The following PARD3B variants were observed in gnomAD, a reference collection of about 807,000 sequenced individuals.
PARD3B encodes par-3 family cell polarity regulator beta.
In PARD3B, 103 loss-of-function variants were observed where a neutral mutation model predicts 130.2. The observed-to-expected ratio is 0.79, with a 90% CI of 0.67 to 0.93. PARD3B has a LOEUF of 0.93. PARD3B is among the 40% of genes least tolerant of loss of function. The pLI is 0.00. For synonymous variants in PARD3B, 583 were observed against 553.2 expected (o/e 1.05, Z -0.76); for missense variants, 1,609 against 1,499.2 (o/e 1.07, Z -1.21).
intron 2 of PARD3B, among the ~76,000 whole-genome samples, chr2:204,857,406 T>C (rs1371373290): frequency 2.0e-5 from 3 of 151,946 alleles, no homozygotes; most frequent in Non-Finnish European, 4.4e-5. Context: ...GAAAATTTGT[T>C]TTCTCACCCA....
intron 2 of PARD3B, among the ~76,000 whole-genome samples, chr2:204,777,005 A>G (rs906657058): frequency 6.6e-6 from 1 of 152,172 alleles, no homozygotes; most frequent in African/African-American, 2.4e-5. Context: ...ACATCTGAAC[A>G]TTGCATGATG....
rs1263540665 is a variant in PARD3B at position 205,244,054 on chromosome 2, C to T, written c.2141-1724C>T. Reference sequence around the variant, plus strand: ...TGCCTTATAAATACTTACCTCCCAACTAGAAATAAAACAAAAAGTCTAACA... The same window carrying T: ...TGCCTTATAAATACTTACCTCCCAATTAGAAATAAAACAAAAAGTCTAACA... On this transcript the variant is annotated intron_variant, in intron 15 of 22. Coordinates refer to ENST00000406610, the MANE Select transcript of PARD3B (RefSeq NM_001302769.2). The surrounding 1 kb of genome is among the most constrained non-coding windows in gnomAD (Gnocchi z 4.7). 6.6e-6 allele frequency among the ~76,000 whole-genome samples: 1 copy of T among 152,050 alleles called. No homozygotes were observed. The highest frequency in any genetic ancestry group is 1.5e-5 in the Non-Finnish European group (1 of 67,998).
At chr2:205,427,833 C>G (rs2047196747) in intron 19 of PARD3B, among the ~76,000 whole-genome samples, 1 of 152,118 alleles carries the variant, frequency 6.6e-6, no homozygotes, top group African/African-American at 2.4e-5. Context: ...CTTCAAGTGA[C>G]ATTAGAATAC....
chr2:204,571,922 G>T (rs962801401), intron 1 of PARD3B, among the ~76,000 whole-genome samples: 6 of 152,172 alleles, frequency 3.9e-5, no homozygotes, highest in Admixed American at 3.9e-4. Context: ...ATGTAAATGT[G>T]ACTTAAAAGG....
chr2:204,754,917 C>A (rs1424391011), intron 2 of PARD3B, among the ~76,000 whole-genome samples: 1 of 152,100 alleles, frequency 6.6e-6, no homozygotes, highest in Non-Finnish European at 1.5e-5. Flanking sequence ...GAAACAGCAT[C>A]TTTCCACAAA....
At position 205,575,044 on chromosome 2, in the gene PARD3B, C is replaced by T. The variant is rs1211711544; in HGVS notation, c.3260+21641C>T. Among the ~76,000 whole-genome samples the T allele has an allele frequency of 1.3e-5, 2 of 150,644 alleles. No homozygotes were observed. Among genetic ancestry groups the T allele is most frequent in the African/African-American group, 4.9e-5 (2 of 40,928 alleles). The stretch of plus-strand genomic sequence containing the variant: ...AAGCCATTGCTCTAGCAAAGCAAGG[C>T]ATGATCCACATCAAAATACATTATA... On this transcript the variant is annotated intron_variant, in intron 22 of 22. Coordinates refer to ENST00000406610, the MANE Select transcript of PARD3B (RefSeq NM_001302769.2). This position sits in a 1 kb window ranked among gnomAD's most constrained non-coding sequence, Gnocchi z 4.6.
At chr2:205,494,140 G>T (rs980437462) in intron 20 of PARD3B, among the ~76,000 whole-genome samples, 3 of 152,138 alleles carry the variant, frequency 2.0e-5, no homozygotes, top group Non-Finnish European at 4.4e-5. Flanking sequence ...GCTCACCAAA[G>T]GCCAACACCT....
At chr2:205,398,826 G>A (rs1281473513) in intron 18 of PARD3B, among the ~76,000 whole-genome samples, 1 of 152,212 alleles carries the variant, frequency 6.6e-6, no homozygotes, top group East Asian at 1.9e-4. Context: ...CTTGTTTTAT[G>A]ATTCTTCTAT....
At chr2:204,694,809 C>A (rs541414387) in intron 2 of PARD3B, among the ~76,000 whole-genome samples, 2 of 151,882 alleles carry the variant, frequency 1.3e-5, no homozygotes, top group Admixed American at 1.3e-4. Context: ...TGTGTATGTA[C>A]GTATGATGAG....
chr2:205,062,056 G>A (rs911927834), intron 4 of PARD3B, among the ~76,000 whole-genome samples: 2 of 152,010 alleles, frequency 1.3e-5, no homozygotes, highest in Non-Finnish European at 2.9e-5. Context: ...TAATTTGCTA[G>A]TCCTGCTGCC....
chr2:205,139,468 T>A (rs547786593), intron 10 of PARD3B, among the ~76,000 whole-genome samples: 84 of 152,344 alleles, frequency 5.5e-4, no homozygotes, highest in Non-Finnish European at 7.9e-4. Context: ...GGCGTATATT[T>A]TCAGTGTAAT....
intron 2 of PARD3B, among the ~76,000 whole-genome samples, chr2:204,779,669 T>C (rs2041769930): frequency 6.6e-6 from 1 of 152,150 alleles, no homozygotes. Context: ...CAGGGCTTCA[T>C]CATTACAATC....
chr2:204,668,717 G>A (rs1348272533), intron 1 of PARD3B, among the ~76,000 whole-genome samples: 1 of 152,150 alleles, frequency 6.6e-6, no homozygotes, highest in Admixed American at 6.5e-5. Context: ...GGTTGGCAGA[G>A]TAACACCATC....
At chr2:205,201,654 A>G (rs1019688097) in intron 15 of PARD3B, among the ~76,000 whole-genome samples, 2 of 152,232 alleles carry the variant, frequency 1.3e-5, no homozygotes, top group African/African-American at 4.8e-5. Flanking sequence ...CCTGACCAAC[A>G]TGGAGAAACC....
rs1574639195 is a variant in PARD3B at position 205,301,456 on chromosome 2, C to T, written c.2393-8C>T. On this transcript the variant is annotated splice_region_variant and splice_polypyrimidine_tract_variant and intron_variant, in intron 17 of 22. Coordinates refer to ENST00000406610, the MANE Select transcript of PARD3B (RefSeq NM_001302769.2). The surrounding 1 kb of genome is among the most constrained non-coding windows in gnomAD (Gnocchi z 5.2). Reference sequence around the variant, plus strand: ...ACCATGGGTATTGATTATTTTTTCTCTGTACAGACGGTCTGTCTGATAAGA... The same window carrying T: ...ACCATGGGTATTGATTATTTTTTCTTTGTACAGACGGTCTGTCTGATAAGA... 6.3e-7 allele frequency: 1 copy of T among 1,596,506 alleles called. No individual in the cohort carries two copies. The highest frequency in any genetic ancestry group is 2.2e-5 in the East Asian group (1 of 44,734).
At position 205,617,096 on chromosome 2, in the gene PARD3B, G is replaced by T. The variant is rs867250164; in HGVS notation, c.*1283G>T. ...AAAGTCAGGTCAGGGCAGGGCCAAG[G>T]CCTCCAATTGGCAAAGGACAGTGTT... On this transcript the variant is annotated 3_prime_UTR_variant, in exon 23 of 23. Coordinates refer to ENST00000406610, the MANE Select transcript of PARD3B (RefSeq NM_001302769.2). The T allele has an allele frequency of 1.3e-5, 2 of 154,368 alleles. No homozygotes were observed. Among genetic ancestry groups the T allele is most frequent in the Non-Finnish European group, 1.5e-5 (1 of 68,222 alleles). 9.6% of individuals were successfully genotyped at this position (154,368 alleles called of 1,614,324 possible).
chr2:205,102,591 T>C (rs13429972), intron 4 of PARD3B, among the ~76,000 whole-genome samples: 21,236 of 152,050 alleles, frequency 0.14, 1,589 homozygotes, highest in East Asian at 0.17. Flanking sequence ...GGAAATTCTT[T>C]CTTATCTACA....
chr2:205,016,691 T>C (rs1696176237), intron 3 of PARD3B, among the ~76,000 whole-genome samples: 1 of 152,186 alleles, frequency 6.6e-6, no homozygotes, highest in Non-Finnish European at 1.5e-5. Flanking sequence ...AAGGCATTGC[T>C]CAGGTCCAGT....
intron 15 of PARD3B, among the ~76,000 whole-genome samples, chr2:205,237,458 A>C (rs989705041): frequency 6.6e-6 from 1 of 152,142 alleles, no homozygotes; most frequent in Non-Finnish European, 1.5e-5. Flanking sequence ...AGTAAAAGCA[A>C]TTTTTAAAGC....
Sources: allele counts gnomAD v4.1 joint callset (sites outside exome capture counted in the v4.1 genomes callset), GRCh38; gene constraint gnomAD v4.1.1; non-coding constraint Gnocchi (gnomAD v3.1); transcripts MANE v1.5; gene names NCBI Gene and HGNC (gene_info 2026-07-23, HGNC 2026-07-21).